Variants in DCC observed in about 807,000 individuals in gnomAD.
The protein encoded by DCC is DCC netrin 1 receptor.
Under a neutral mutation model 172.5 loss-of-function variants are expected in DCC, and 58 were observed. The ratio of observed to expected loss-of-function variants is 0.34; its 90% CI spans 0.27 to 0.42. DCC has a LOEUF of 0.42. DCC is among the 10% of genes least tolerant of loss of function. DCC has a pLI of 1.00. For missense variants in DCC, 1,740 were observed against 1,791.0 expected, an observed-to-expected ratio of 0.97 and a Z score of 0.51; for synonymous variants, 709 against 644.5, an observed-to-expected ratio of 1.10 and a Z score of -1.52.
Position 53,435,297 on chromosome 18 carries a change from A to G in DCC, c.3229+88A>G, listed in dbSNP as rs147057940. On this transcript the variant is annotated intron_variant, in intron 22 of 28. Transcript: ENST00000442544. ...GTCTGGGGCAAATTTTCTATCAACT[A>G]CAAGTGCCAGGAACCTTGGATTTAG... 1.0e-3 allele frequency: 857 copies of G among 844,496 alleles called. 3 individuals carry two copies. In the African/African-American group the frequency reaches 0.013, roughly 12 times the overall value. The allele number at this position is 844,496 out of a possible 1,614,324, so 52.3% of individuals were successfully genotyped here. A position where few individuals can be genotyped will look rare whatever the true frequency, so the allele number is the denominator to read the frequency against.
intron 1 of DCC, among the ~76,000 whole-genome samples, chr18:52,655,019 A>C (rs1279480160): frequency 1.3e-5 from 2 of 152,210 alleles, no homozygotes; most frequent in African/African-American, 4.8e-5. Flanking sequence ...GTGGAACTGA[A>C]GTGTTTCCAA....
chr18:52,478,661 A>G (rs574614887), intron 1 of DCC, among the ~76,000 whole-genome samples: 1 of 152,234 alleles, frequency 6.6e-6, no homozygotes, highest in South Asian at 2.1e-4. Flanking sequence ...TCCTGGCAGA[A>G]AGCCATGGGG....
intron 5 of DCC, among the ~76,000 whole-genome samples, chr18:52,978,064 G>A (rs2041151740): frequency 6.6e-6 from 1 of 151,682 alleles, no homozygotes; most frequent in Non-Finnish European, 1.5e-5. Context: ...GCAGAGAAGG[G>A]TGGGGGTGGC....
intron 2 of DCC, among the ~76,000 whole-genome samples, chr18:52,792,758 C>CCA (rs1568106964): frequency 3.0e-4 from 35 of 117,954 alleles, no homozygotes; most frequent in African/African-American, 9.7e-4. Flanking sequence ...CCAGTTGATT[C>CCA]TATTCCATTC....
chr18:53,389,416 C>G (rs984120009), intron 16 of DCC, among the ~76,000 whole-genome samples: 5 of 152,130 alleles, frequency 3.3e-5, no homozygotes, highest in Non-Finnish European at 7.3e-5. Flanking sequence ...CACGATAACG[C>G]TCTGCTTTGC....
At chr18:53,027,538 A>G (rs1455434135) in intron 5 of DCC, among the ~76,000 whole-genome samples, 3 of 152,184 alleles carry the variant, frequency 2.0e-5, no homozygotes, top group African/African-American at 4.8e-5. Flanking sequence ...GTGCTCTGAC[A>G]AAAGTAGAGC....
chr18:52,467,957 C>T (rs974148259), intron 1 of DCC, among the ~76,000 whole-genome samples: 1 of 152,074 alleles, frequency 6.6e-6, no homozygotes, highest in Non-Finnish European at 1.5e-5. Context: ...TGTCCTTTGT[C>T]AGATGGATAG....
intron 1 of DCC, among the ~76,000 whole-genome samples, chr18:52,402,627 T>A (rs1199570138): frequency 6.6e-6 from 1 of 152,076 alleles, no homozygotes; most frequent in Non-Finnish European, 1.5e-5. Context: ...GTTGGTTTTT[T>A]AGATGTCGCA....
intron 1 of DCC, among the ~76,000 whole-genome samples, chr18:52,546,411 C>A (rs1374082388): frequency 6.6e-6 from 1 of 152,004 alleles, no homozygotes; most frequent in Non-Finnish European, 1.5e-5. Context: ...ATGTAGGGAG[C>A]AGCACAGCCT....
chr18:53,495,504 T>C (rs2046010928), intron 26 of DCC, among the ~76,000 whole-genome samples: 1 of 152,170 alleles, frequency 6.6e-6, no homozygotes, highest in South Asian at 2.1e-4. Flanking sequence ...TCTGATGGGC[T>C]TCCCTTTGTG....
intron 12 of DCC, among the ~76,000 whole-genome samples, chr18:53,244,686 C>T (rs1598941717): frequency 1.3e-5 from 2 of 152,022 alleles, no homozygotes; most frequent in South Asian, 2.1e-4. Context: ...TTGGACTTCT[C>T]ACAATATGGC....
intron 1 of DCC, chr18:52,419,048 ACGGGG>A (rs1484085365): frequency 6.6e-6 from 1 of 151,716 alleles, no homozygotes; most frequent in African/African-American, 2.4e-5. Context: ...TTTAGTAGAG[ACGGGG>A]TTTCACCATG....
chr18:53,322,475 G>A (rs545931459), intron 14 of DCC, among the ~76,000 whole-genome samples: 24 of 151,944 alleles, frequency 1.6e-4, no homozygotes, highest in South Asian at 2.1e-4. Context: ...TAACCATTTC[G>A]TTCACAAGAA....
At chr18:53,415,457 G>A (rs1368661006) in intron 20 of DCC, among the ~76,000 whole-genome samples, 1 of 151,860 alleles carries the variant, frequency 6.6e-6, no homozygotes, top group Non-Finnish European at 1.5e-5. Flanking sequence ...TAATACTAGA[G>A]ATTTACCTCT....
chr18:52,930,807 C>A (rs992129020), intron 5 of DCC, among the ~76,000 whole-genome samples: 10 of 152,060 alleles, frequency 6.6e-5, no homozygotes, highest in African/African-American at 2.4e-4. Context: ...TATGCCTTTG[C>A]ATTTTTACAT....
chr18:52,627,564 G>A (rs528650906), intron 1 of DCC, among the ~76,000 whole-genome samples: 1 of 152,314 alleles, frequency 6.6e-6, no homozygotes, highest in East Asian at 1.9e-4. Context: ...TATAAGATTA[G>A]GTTGTTCAGT....
chr18:52,836,539 A>G (rs540919209), intron 2 of DCC, among the ~76,000 whole-genome samples: 1 of 152,322 alleles, frequency 6.6e-6, no homozygotes, highest in East Asian at 1.9e-4. Flanking sequence ...GTCTCCATGC[A>G]AGTCTGAAAT....
intron 1 of DCC, among the ~76,000 whole-genome samples, chr18:52,525,532 G>C (rs747547988): frequency 3.9e-5 from 6 of 152,172 alleles, no homozygotes; most frequent in Non-Finnish European, 5.9e-5. Flanking sequence ...GAACTGCAAT[G>C]GTTGGGATGA....
chr18:52,432,878 T>C (rs529128656), intron 1 of DCC, among the ~76,000 whole-genome samples: 1 of 152,030 alleles, frequency 6.6e-6, no homozygotes, highest in Non-Finnish European at 1.5e-5. Flanking sequence ...CTCTGGAGAG[T>C]TGATAGAGGG....
Sources: gnomAD v4.1 joint callset for allele counts (sites outside exome capture counted in the v4.1 genomes callset) on GRCh38, gnomAD v4.1.1 for gene constraint, MANE v1.5 for transcripts, NCBI Gene and HGNC (gene_info 2026-07-23, HGNC 2026-07-21) for gene names.